ATF7IP: variants seen among roughly 807,000 people sequenced by gnomAD.
The protein encoded by ATF7IP is activating transcription factor 7-interacting protein 1.
ATF7IP carries 23 observed loss-of-function variants against 106.4 expected under a neutral mutation model. The observed-to-expected ratio is 0.22, with a 90% CI of 0.16 to 0.31. The LOEUF (loss-of-function observed/expected upper bound fraction) is 0.31, where lower values mean the gene tolerates loss of function less well. ATF7IP is among the 10% of genes least tolerant of loss of function. ATF7IP has a pLI of 1.00. For missense variants in ATF7IP, 1,334 were observed against 1,524.3 expected, an observed-to-expected ratio of 0.88 and a Z score of 2.08; for synonymous variants, 542 against 539.0, an observed-to-expected ratio of 1.01 and a Z score of -0.08.
chr12:14,489,152 TTA>T, intron 13 of ATF7IP, among the ~76,000 whole-genome samples: 1 of 152,308 alleles, frequency 6.6e-6, no homozygotes, highest in South Asian at 2.1e-4. Context: ...GATTGGGCTG[TTA>T]TAGTTTCCTG....
intron 2 of ATF7IP, among the ~76,000 whole-genome samples, chr12:14,426,689 G>C (rs952106577): frequency 6.6e-6 from 1 of 151,214 alleles, no homozygotes; most frequent in African/African-American, 2.4e-5. Context: ...AGCCAGGCGT[G>C]GTGGCACTTG....
intron 13 of ATF7IP, among the ~76,000 whole-genome samples, chr12:14,491,848 A>G (rs1466956557): frequency 1.3e-5 from 2 of 152,160 alleles, no homozygotes; most frequent in Non-Finnish European, 2.9e-5. Flanking sequence ...GCTTACAGTA[A>G]TCCACTGCCA....
intron 10 of ATF7IP, among the ~76,000 whole-genome samples, chr12:14,474,883 A>T (rs1386996809): frequency 6.6e-6 from 1 of 152,002 alleles, no homozygotes; most frequent in Non-Finnish European, 1.5e-5. Flanking sequence ...GATTTTTGGG[A>T]TCTTTTAGTT....
chr12:14,433,668 C>T (rs1413551302), intron 2 of ATF7IP, among the ~76,000 whole-genome samples: 1 of 149,780 alleles, frequency 6.7e-6, no homozygotes, highest in Non-Finnish European at 1.5e-5. Flanking sequence ...GAAACTCAGT[C>T]TCAAAAAAAA....
chr12:14,367,019 A>G (rs1189605124), intron 1 of ATF7IP, among the ~76,000 whole-genome samples: 1 of 152,184 alleles, frequency 6.6e-6, no homozygotes, highest in Non-Finnish European at 1.5e-5. Context: ...ATCTTATGTA[A>G]CACAATTGGG....
chr12:14,431,464 G>A (rs764044518), intron 2 of ATF7IP, among the ~76,000 whole-genome samples: 2 of 150,676 alleles, frequency 1.3e-5, no homozygotes, highest in Admixed American at 1.3e-4. Flanking sequence ...GTGCGATATC[G>A]GCTCACTGCA....
chr12:14,379,520 T>G (rs1365030850), intron 1 of ATF7IP, among the ~76,000 whole-genome samples: 1 of 151,998 alleles, frequency 6.6e-6, no homozygotes, highest in Non-Finnish European at 1.5e-5. Flanking sequence ...TTTTATTGAT[T>G]TATTCTGTCC....
At chr12:14,391,074 G>T (rs556964442) in intron 1 of ATF7IP, among the ~76,000 whole-genome samples, 155 of 152,328 alleles carry the variant, frequency 1.0e-3, no homozygotes, top group African/African-American at 3.6e-3. Context: ...TTTGAAAAGA[G>T]AAAGTGATTT....
Position 14,466,550 on chromosome 12 carries a change from A to T in ATF7IP, c.2822A>T (p.Asp941Val). 6.2e-7 allele frequency: 1 copy of T among 1,604,000 alleles called. No individual in the cohort carries two copies. The highest frequency in any genetic ancestry group is 8.5e-7 in the Non-Finnish European group (1 of 1,176,934). The change falls in exon 10 of 15, where the codon GAT (aspartate) becomes GTT (valine). Residue 941 changes from aspartate to valine, a missense_variant. Asp to Val is a radical substitution (Grantham distance 152). Around this residue, in one of 10 missense-constraint regions of ATF7IP, gnomAD observed 370 missense variants for 401.2 expected, o/e 0.92. Coordinates refer to ENST00000261168, the MANE Select transcript of ATF7IP (RefSeq NM_018179.5). ...GAAAACCAGACAAACAAAACAATAG[A>T]TGCTTCTGTCAGTAAGAAAGCAGCT... is the stretch of plus-strand genomic sequence containing the variant. The part of the protein sequence containing the change: ...RIENQTNKTI[D>V]ASVSKKAADS...
chr12:14,444,239 C>A (rs1942848388), intron 5 of ATF7IP, among the ~76,000 whole-genome samples: 1 of 152,172 alleles, frequency 6.6e-6, no homozygotes, highest in African/African-American at 2.4e-5. Context: ...AGCCTCGGCT[C>A]CTGTTCCCTA....
intron 13 of ATF7IP, among the ~76,000 whole-genome samples, chr12:14,495,657 CT>C: frequency 6.6e-6 from 1 of 152,196 alleles, no homozygotes; most frequent in South Asian, 2.1e-4. Context: ...AGTGAGTATC[CT>C]CAACCAAGGA....
intron 9 of ATF7IP, 93 bp from the exon 10 acceptor site, chr12:14,466,432 AG>A: frequency 1.0e-6 from 1 of 961,926 alleles, no homozygotes; most frequent in Non-Finnish European, 1.6e-6. Context: ...ACGGAAAAGT[AG>A]TTGGAGAAAA....
chr12:14,436,137 A>G lies in ATF7IP; in HGVS notation c.1677A>G (p.Ser559=). The G allele has an allele frequency of 6.2e-7, 1 of 1,613,304 alleles. No homozygotes were observed. The highest frequency in any genetic ancestry group is 8.5e-7 in the Non-Finnish European group (1 of 1,179,686). The change falls in exon 4 of 15, where the codon TCA becomes TCG. Residue 559 remains serine (S), a synonymous_variant. Transcript: ENST00000261168. Reference sequence around the variant, plus strand: ...TTTCTAGACGAAAACGTTCTAAATCAGAAGACATGGACAATGTACAGTCTA... The same window carrying G: ...TTTCTAGACGAAAACGTTCTAAATCGGAAGACATGGACAATGTACAGTCTA... ...NEFSRRKRSK[S]EDMDNVQSKR...
chr12:14,379,543 T>A (rs1018190055), intron 1 of ATF7IP, among the ~76,000 whole-genome samples: 5 of 151,984 alleles, frequency 3.3e-5, no homozygotes, highest in African/African-American at 7.2e-5. Flanking sequence ...GGCAGGAGAA[T>A]TCTTAGAATT....
At chr12:14,490,700 G>A (rs557663276) in intron 13 of ATF7IP, among the ~76,000 whole-genome samples, 3 of 152,268 alleles carry the variant, frequency 2.0e-5, no homozygotes, top group South Asian at 2.1e-4. Flanking sequence ...GAGGCCATTG[G>A]TGCAGGCTGG....
At chr12:14,479,873 G>A (rs1041732412) in intron 12 of ATF7IP, among the ~76,000 whole-genome samples, 3 of 152,040 alleles carry the variant, frequency 2.0e-5, no homozygotes, top group South Asian at 2.1e-4. Context: ...AACCTTGGGA[G>A]CTGTATTATC....
At chr12:14,476,226 A>G (rs1944258025) in intron 11 of ATF7IP, 1 of 306,940 alleles carries the variant, frequency 3.3e-6, no homozygotes, top group Non-Finnish European at 6.1e-6. Context: ...AGCCCGGGCA[A>G]TGCGGTGAAA....
intron 1 of ATF7IP, chr12:14,420,055 T>C (rs1448459414): frequency 2.6e-5 from 4 of 152,144 alleles, no homozygotes; most frequent in African/African-American, 9.7e-5. Context: ...AGGAACACCT[T>C]TGTAATTGAA....
At chr12:14,427,230 C>T (rs1360086076) in intron 2 of ATF7IP, among the ~76,000 whole-genome samples, 1 of 152,036 alleles carries the variant, frequency 6.6e-6, no homozygotes, top group Non-Finnish European at 1.5e-5. Flanking sequence ...TTAGGTGATC[C>T]TCCCACCTAA....
Sources: gnomAD v4.1 joint callset for allele counts (sites outside exome capture counted in the v4.1 genomes callset) on GRCh38, gnomAD v4.1.1 for gene constraint, gnomAD v4.1.1 regional missense constraint, MANE v1.5 for transcripts, NCBI Gene and HGNC (gene_info 2026-07-23, HGNC 2026-07-21) for gene names.